Variants in PHTF2 observed in about 807,000 individuals in gnomAD.
PHTF2 encodes the protein protein PHTF2.
A neutral mutation model predicts 101.2 loss-of-function variants in PHTF2; 60 were observed. That is an observed-to-expected ratio of 0.59 (90% CI 0.48 to 0.73). The LOEUF is 0.73. Among genes scored for constraint, PHTF2 ranks in the 30% least tolerant of loss-of-function variants. The probability of loss-of-function intolerance (pLI) is 0.00; values close to 1 mark genes in which losing one functional copy is unlikely to be tolerated. For synonymous variants in PHTF2, 311 were observed against 307.3 expected, an observed-to-expected ratio of 1.01 and a Z score of -0.13; for missense variants, 747 against 908.7, an observed-to-expected ratio of 0.82 and a Z score of 2.29.
intron 2 of PHTF2, among the ~76,000 whole-genome samples, chr7:77,840,873 A>G (rs1411458819): frequency 6.6e-6 from 1 of 152,096 alleles, no homozygotes; most frequent in Non-Finnish European, 1.5e-5. Context: ...TGACAATACA[A>G]TAAACTGTTT....
chr7:77,861,220 A>G (rs1039111760), intron 3 of PHTF2, among the ~76,000 whole-genome samples: 1 of 151,174 alleles, frequency 6.6e-6, no homozygotes, highest in African/African-American at 2.4e-5. Flanking sequence ...GTCATTCTTT[A>G]TCTGGGATCC....
intron 2 of PHTF2, among the ~76,000 whole-genome samples, chr7:77,848,325 A>G (rs928873101): frequency 6.6e-6 from 1 of 152,156 alleles, no homozygotes; most frequent in Non-Finnish European, 1.5e-5. Flanking sequence ...ATTCCTGTCA[A>G]CGATGTACAG....
intron 19 of PHTF2, among the ~76,000 whole-genome samples, chr7:77,954,612 G>GTGTATATATATATATATATATA (rs1426693429): frequency 5.5e-5 from 5 of 90,200 alleles, no homozygotes; most frequent in African/African-American, 9.5e-5. Context: ...CAAGTACTGT[G>GTGTATATATATATATATATATA]TATATATATA....
At chr7:77,854,134 T>G (rs1047220032) in intron 2 of PHTF2, among the ~76,000 whole-genome samples, 2 of 152,204 alleles carry the variant, frequency 1.3e-5, no homozygotes, top group Non-Finnish European at 2.9e-5. Flanking sequence ...ATCTAAATCT[T>G]TGGTCACTGC....
intron 12 of PHTF2, among the ~76,000 whole-genome samples, chr7:77,934,716 G>A (rs1326806164): frequency 6.6e-6 from 1 of 152,182 alleles, no homozygotes; most frequent in Non-Finnish European, 1.5e-5. Flanking sequence ...GGGAGGCCAA[G>A]GCGGGTGGAT....
chr7:77,930,872 A>T (rs1804504157), intron 12 of PHTF2, among the ~76,000 whole-genome samples: 1 of 152,218 alleles, frequency 6.6e-6, no homozygotes, highest in Non-Finnish European at 1.5e-5. Context: ...TATCAAGAAT[A>T]GCAAAAACAA....
At chr7:77,946,958 CAA>C (rs113457897) in intron 16 of PHTF2, among the ~76,000 whole-genome samples, 10 of 66,374 alleles carry the variant, frequency 1.5e-4, no homozygotes, top group East Asian at 4.4e-4. Context: ...CTGGTCTCTA[CAA>C]AAAAAAAAAA....
intron 1 of PHTF2, among the ~76,000 whole-genome samples, chr7:77,839,031 A>ATGCATGCTCCCACTCG (rs1199693503): frequency 1.1e-4 from 17 of 152,178 alleles, no homozygotes; most frequent in African/African-American, 3.9e-4. Flanking sequence ...GCTCCCACTC[A>ATGCATGCTCCCACTCG]TCATGCATGC....
At chr7:77,900,235 C>T (rs1324445795) in intron 5 of PHTF2, among the ~76,000 whole-genome samples, 1 of 152,156 alleles carries the variant, frequency 6.6e-6, no homozygotes, top group Non-Finnish European at 1.5e-5. Flanking sequence ...CCCTGGGTCT[C>T]AGCTGATTGG....
chr7:77,857,764 A>G (rs1797304237), intron 3 of PHTF2, among the ~76,000 whole-genome samples: 1 of 152,214 alleles, frequency 6.6e-6, no homozygotes, highest in Non-Finnish European at 1.5e-5. Flanking sequence ...AACTTTGGAT[A>G]AGTTGCCTAA....
At chr7:77,818,839 T>C (rs1473471491) in intron 1 of PHTF2, among the ~76,000 whole-genome samples, 1 of 151,874 alleles carries the variant, frequency 6.6e-6, no homozygotes, top group Non-Finnish European at 1.5e-5. Context: ...CTTTGGGTTG[T>C]GGGGTCACTT....
At chr7:77,852,191 A>G (rs1471444815) in intron 2 of PHTF2, among the ~76,000 whole-genome samples, 3 of 152,060 alleles carry the variant, frequency 2.0e-5, no homozygotes, top group Non-Finnish European at 4.4e-5. Context: ...CACCTGGCTA[A>G]TTTTTTAAAG....
intron 3 of PHTF2, among the ~76,000 whole-genome samples, chr7:77,861,084 A>G (rs537642462): frequency 1.3e-5 from 2 of 152,218 alleles, no homozygotes; most frequent in South Asian, 4.2e-4. Flanking sequence ...TTTCCTTTGT[A>G]TTTTTGAAAA....
chr7:77,858,222 A>G (rs1797336273), intron 3 of PHTF2, among the ~76,000 whole-genome samples: 1 of 152,102 alleles, frequency 6.6e-6, no homozygotes, highest in Non-Finnish European at 1.5e-5. Context: ...TTCACTTAGG[A>G]TTTTTCTTCC....
chr7:77,862,964 A>G (rs1233289388), intron 3 of PHTF2, among the ~76,000 whole-genome samples: 1 of 152,242 alleles, frequency 6.6e-6, no homozygotes, highest in Non-Finnish European at 1.5e-5. Flanking sequence ...CTTAGAAGCT[A>G]AATTGCTCTT....
At chr7:77,842,184 A>G (rs1026118922) in intron 2 of PHTF2, among the ~76,000 whole-genome samples, 19 of 152,262 alleles carry the variant, frequency 1.2e-4, no homozygotes, top group East Asian at 7.7e-4. Context: ...AGCAAATGTA[A>G]TCACATATTC....
At chr7:77,898,152 G>T (rs1326923309) in intron 5 of PHTF2, among the ~76,000 whole-genome samples, 2 of 152,000 alleles carry the variant, frequency 1.3e-5, no homozygotes, top group African/African-American at 4.8e-5. Flanking sequence ...AAACAAGGTC[G>T]ATTAGAAGAA....
intron 5 of PHTF2, chr7:77,896,016 A>G (rs1196029009): frequency 6.6e-6 from 1 of 152,200 alleles, no homozygotes; most frequent in Non-Finnish European, 1.5e-5. Flanking sequence ...AAATGAGACA[A>G]AATTAAAGAA....
chr7:77,851,599 A>AT (rs199811713), intron 2 of PHTF2, among the ~76,000 whole-genome samples: 4,368 of 128,210 alleles, frequency 0.034, 221 homozygotes, highest in African/African-American at 0.11. Context: ...TTCTGCTCTG[A>AT]TTTTTTTTTT....
Sources: allele counts gnomAD v4.1 joint callset (sites outside exome capture counted in the v4.1 genomes callset), GRCh38; gene constraint gnomAD v4.1.1; transcripts MANE v1.5; gene names NCBI Gene and HGNC (gene_info 2026-07-23, HGNC 2026-07-21).